TPRG1: variants seen among roughly 807,000 people sequenced by gnomAD.
TPRG1 encodes the protein tumor protein p63-regulated gene 1 protein.
In TPRG1, 29 loss-of-function variants were observed where a neutral mutation model predicts 29.3. That is an observed-to-expected ratio of 0.99 (90% confidence interval 0.74 to 1.35). The LOEUF (loss-of-function observed/expected upper bound fraction) is 1.35, where lower values mean the gene tolerates loss of function less well. TPRG1 is among the 40% of genes most tolerant of loss of function. The pLI is 0.00. For synonymous variants in TPRG1, 130 were observed against 116.8 expected (o/e 1.11, Z -0.73); for missense variants, 327 against 335.0 (o/e 0.98, Z 0.19).
At chr3:189,245,112 G>C (rs1291210887) in intron 4 of TPRG1, among the ~76,000 whole-genome samples, 1 of 152,076 alleles carries the variant, frequency 6.6e-6, no homozygotes, top group East Asian at 1.9e-4. Flanking sequence ...AGTAGAGATG[G>C]AGTTTCTCCA....
At chr3:189,198,080 G>T (rs1732839886) in intron 1 of TPRG1, among the ~76,000 whole-genome samples, 1 of 152,172 alleles carries the variant, frequency 6.6e-6, no homozygotes, top group Non-Finnish European at 1.5e-5. Context: ...ATTGCAAAAT[G>T]TTAGTTTTCA....
At chr3:189,111,421 T>C (rs1019147461) in intron 1 of TPRG1, among the ~76,000 whole-genome samples, 14 of 152,130 alleles carry the variant, frequency 9.2e-5, no homozygotes, top group African/African-American at 2.9e-4. Context: ...GTCCAACTTA[T>C]AATTTTTCAA....
chr3:189,236,034 A>T (rs1482112830), intron 3 of TPRG1, among the ~76,000 whole-genome samples: 12 of 152,226 alleles, frequency 7.9e-5, no homozygotes, highest in Admixed American at 7.9e-4. Flanking sequence ...TGGAATATGC[A>T]ATTTAATGTT....
chr3:189,060,570 A>T (rs2152144274), intron 4 of TPRG1, among the ~76,000 whole-genome samples: 1 of 152,320 alleles, frequency 6.6e-6, no homozygotes, highest in East Asian at 1.9e-4. Context: ...AAAGCTCCTT[A>T]AGCTGATAAA....
At chr3:189,069,091 A>G (rs1197760280) in intron 4 of TPRG1, among the ~76,000 whole-genome samples, 1 of 152,228 alleles carries the variant, frequency 6.6e-6, no homozygotes, top group Non-Finnish European at 1.5e-5. Flanking sequence ...CCAAAACTGG[A>G]AACAATTCAG....
intron 1 of TPRG1, among the ~76,000 whole-genome samples, chr3:188,999,806 C>T (rs1165612490): frequency 6.6e-6 from 1 of 151,942 alleles, no homozygotes; most frequent in Non-Finnish European, 1.5e-5. Flanking sequence ...GCTTTATTAG[C>T]TATAGTTATA....
chr3:189,216,511 T>G (rs1208756894), intron 3 of TPRG1, among the ~76,000 whole-genome samples: 2 of 152,140 alleles, frequency 1.3e-5, no homozygotes, highest in Non-Finnish European at 2.9e-5. Context: ...TAATTTTGGG[T>G]TTTTGTTTCT....
intron 5 of TPRG1, among the ~76,000 whole-genome samples, chr3:189,157,855 C>T (rs150861120): frequency 5.9e-5 from 9 of 152,280 alleles, no homozygotes; most frequent in Admixed American, 4.6e-4. Context: ...CTTCTCCTTC[C>T]GGCTGTAGCA....
chr3:189,042,882 C>T (rs1036345639), intron 4 of TPRG1, among the ~76,000 whole-genome samples: 1 of 152,118 alleles, frequency 6.6e-6, no homozygotes, highest in East Asian at 1.9e-4. Flanking sequence ...CGTGGTGGCT[C>T]ACCAGAAGAG....
At chr3:189,019,880 T>G (rs1713195834) in intron 3 of TPRG1, among the ~76,000 whole-genome samples, 2 of 151,088 alleles carry the variant, frequency 1.3e-5, no homozygotes, top group Non-Finnish European at 3.0e-5. Context: ...TTTTGGTTGG[T>G]AAGCTATTGA....
At chr3:189,155,746 A>G (rs1726583531) in intron 5 of TPRG1, among the ~76,000 whole-genome samples, 1 of 152,152 alleles carries the variant, frequency 6.6e-6, no homozygotes, top group South Asian at 2.1e-4. Flanking sequence ...AGAAAGACAA[A>G]TACTGCCTGA....
At chr3:189,085,469 G>A (rs1167055926) in intron 4 of TPRG1, among the ~76,000 whole-genome samples, 1 of 152,120 alleles carries the variant, frequency 6.6e-6, no homozygotes. Context: ...GTGTGTGTGT[G>A]TGTGTATTAT....
At chr3:189,126,839 C>T (rs1035205678) in intron 1 of TPRG1, among the ~76,000 whole-genome samples, 3 of 152,150 alleles carry the variant, frequency 2.0e-5, no homozygotes, top group Non-Finnish European at 4.4e-5. Flanking sequence ...CTACCAAACC[C>T]TGTAGGGAAA....
chr3:189,031,456 A>C (rs192426535), intron 4 of TPRG1, among the ~76,000 whole-genome samples: 127 of 152,326 alleles, frequency 8.3e-4, no homozygotes, highest in African/African-American at 2.9e-3. Context: ...TATTTTACTT[A>C]GATATTAACA....
intron 3 of TPRG1, among the ~76,000 whole-genome samples, chr3:189,018,009 T>C (rs1713048005): frequency 6.6e-6 from 1 of 151,444 alleles, no homozygotes; most frequent in Non-Finnish European, 1.5e-5. Flanking sequence ...CATGTGTTTT[T>C]TGGCTGCATA....
chr3:189,050,469 G>A (rs1471423107), intron 4 of TPRG1, among the ~76,000 whole-genome samples: 1 of 152,078 alleles, frequency 6.6e-6, no homozygotes, highest in Admixed American at 6.6e-5. Flanking sequence ...AAAAAATTCA[G>A]GACCAGACAG....
rs143681094 is a variant in TPRG1, at chr3:189,183,995, G to C, written c.-10+11864G>C. On this transcript the variant is annotated intron_variant, in intron 1 of 5. Transcript: ENST00000345063. Reference sequence around the variant, plus strand: ...ATGAAATCTTCACAATTTATGTTTAGAGATTGCAGTAAAGACAGGTGTAAG... The same window carrying C: ...ATGAAATCTTCACAATTTATGTTTACAGATTGCAGTAAAGACAGGTGTAAG... Among the ~76,000 whole-genome samples the C allele has an allele frequency of 5.9e-3, 896 of 152,098 alleles. 13 individuals carry two copies. Among genetic ancestry groups the C allele is most frequent in the African/African-American group, 0.021 (871 of 41,486 alleles).
intron 4 of TPRG1, among the ~76,000 whole-genome samples, chr3:189,089,203 G>A (rs1718176237): frequency 6.6e-6 from 1 of 152,220 alleles, no homozygotes; most frequent in South Asian, 2.1e-4. Flanking sequence ...ACTGTGGAAT[G>A]TTTTCTTAAA....
At chr3:189,256,388 G>A (rs991857296) in intron 4 of TPRG1, among the ~76,000 whole-genome samples, 8 of 151,974 alleles carry the variant, frequency 5.3e-5, no homozygotes, top group African/African-American at 9.7e-5. Context: ...TATGATTTCC[G>A]CTCTTTTGCA....
Sources: gnomAD v4.1 joint callset for allele counts (sites outside exome capture counted in the v4.1 genomes callset) on GRCh38, gnomAD v4.1.1 for gene constraint, MANE v1.5 for transcripts, NCBI Gene and HGNC (gene_info 2026-07-23, HGNC 2026-07-21) for gene names.